The following GLS2 variants were observed in gnomAD, a reference collection of about 807,000 sequenced individuals.
GLS2 encodes glutaminase liver isoform, mitochondrial.
GLS2 carries 52 observed loss-of-function variants against 79.0 expected under a neutral mutation model. The observed-to-expected ratio is 0.66, with a 90% CI of 0.53 to 0.83. The LOEUF (loss-of-function observed/expected upper bound fraction) is 0.83. GLS2 is among the 40% of genes least tolerant of loss of function. The pLI is 0.00. For missense variants in GLS2, 561 were observed against 764.8 expected, an observed-to-expected ratio of 0.73 and a Z score of 3.14; for synonymous variants, 238 against 280.8, an observed-to-expected ratio of 0.85 and a Z score of 1.52.
At chr12:56,476,457 T>G (rs898869523) in intron 7 of GLS2, 3 of 174,316 alleles carry the variant, frequency 1.7e-5, no homozygotes, top group African/African-American at 7.2e-5. Flanking sequence ...ATGCTGGAGC[T>G]TTACTCCATC....
At chr12:56,484,703 G>A (rs1870550800) in intron 1 of GLS2, among the ~76,000 whole-genome samples, 1 of 152,150 alleles carries the variant, frequency 6.6e-6, no homozygotes, top group African/African-American at 2.4e-5. Flanking sequence ...TGTATCACAA[G>A]CCTAAAAAAA....
chr12:56,473,277 C>G lies in GLS2; in HGVS notation c.1400G>C (p.Arg467Thr). 1 of 1,614,096 alleles carries G rather than the reference C, an allele frequency of 6.2e-7. No homozygotes were observed. Among genetic ancestry groups the G allele is most frequent in the Non-Finnish European group, 8.5e-7 (1 of 1,180,042 alleles). Residue 467 changes from arginine to threonine, a missense_variant, in exon 14 of 18, where the codon AGG becomes ACG. Arg to Thr is a moderately conservative substitution (Grantham distance 71). Coordinates refer to ENST00000311966, the MANE Select transcript of GLS2 (RefSeq NM_013267.4). ...LFNFHNYDNL[R>T]HCARKLDPRR... ...TGGGTCTAACTTCCGAGCACAGTGC[C>G]TCAGGTTGTCATAGTTGTGGAAATT...
At position 56,473,168 on chromosome 12, in the gene GLS2, C is replaced by A. The variant is rs1033431557; in HGVS notation, c.1449+60G>T. The A allele has an allele frequency of 2.7e-5, 41 of 1,492,600 alleles. 1 individual carries two copies. The African/African-American group carries it at 5.4e-4, about 20-fold the overall frequency. 92.5% of individuals were successfully genotyped at this position (1,492,600 alleles called of 1,614,324 possible). ...CCTCTCAAAGTGCAGGGATTACAGGCGTGAGCCACCGCACCTGGCCTTTGA... is the reference window on the plus strand; with the variant it reads ...CCTCTCAAAGTGCAGGGATTACAGGAGTGAGCCACCGCACCTGGCCTTTGA... On this transcript the variant is annotated intron_variant, in intron 14 of 17. Coordinates refer to ENST00000311966, the MANE Select transcript of GLS2 (RefSeq NM_013267.4).
intron 16 of GLS2, 47 bp from the exon 17 acceptor site, chr12:56,471,883 C>A (rs953259692): frequency 6.3e-7 from 1 of 1,588,440 alleles, no homozygotes; most frequent in African/African-American, 1.3e-5. Flanking sequence ...GGTCTTGAAC[C>A]CTTTGGTGCA....
intron 2 of GLS2, among the ~76,000 whole-genome samples, 162 bp downstream of exon 2, chr12:56,480,126 T>C (rs1870166400): frequency 1.3e-5 from 2 of 152,216 alleles, no homozygotes; most frequent in Admixed American, 1.3e-4. Flanking sequence ...GGGGCAGGGA[T>C]GGGCTTGTCT....
intron 16 of GLS2, 93 bp from the exon 17 acceptor site, chr12:56,471,929 G>T: frequency 7.2e-7 from 1 of 1,390,548 alleles, no homozygotes; most frequent in Non-Finnish European, 1.0e-6. Flanking sequence ...CAAGAGGGGA[G>T]GGGAAAAGGC....
chr12:56,475,054 T>C lies in GLS2; in HGVS notation c.986A>G (p.Lys329Arg). The C allele has an allele frequency of 6.2e-7, 1 of 1,614,176 alleles. No individual in the cohort carries two copies. The highest frequency in any genetic ancestry group is 1.3e-5 in the African/African-American group (1 of 75,034). The change falls in exon 10 of 18, where the codon AAG (lysine) becomes AGG (arginine). Residue 329 changes from lysine to arginine, a missense_variant. This residue lies in a region of GLS2 where 221 missense variants were observed against 275.6 expected (regional missense o/e 0.80). Coordinates refer to ENST00000311966, the MANE Select transcript of GLS2 (RefSeq NM_013267.4). Reference sequence around the variant, plus strand: ...GCCTCTTCTGGTTACCTTCTTTTCCTTGAGATAATAGCCGATGGCATAATT... The same window carrying C: ...GCCTCTTCTGGTTACCTTCTTTTCCCTGAGATAATAGCCGATGGCATAATT... ...DRNYAIGYYL[K>R]EKKCFPKGVD...
chr12:56,481,088 CT>C (rs1870246690), intron 1 of GLS2, among the ~76,000 whole-genome samples: 1 of 150,890 alleles, frequency 6.6e-6, no homozygotes, highest in Non-Finnish European at 1.5e-5. Flanking sequence ...TCCTTATTCC[CT>C]ATTACCTAAT....
intron 7 of GLS2, 77 bp from the exon 8 acceptor site, chr12:56,476,054 A>G (rs1869781839): frequency 2.1e-6 from 3 of 1,411,646 alleles, no homozygotes; most frequent in Non-Finnish European, 3.0e-6. Context: ...GATCTAGTGG[A>G]GTTCTAGTGT....
intron 12 of GLS2, chr12:56,474,092 C>CTTTTT (rs67377312): frequency 3.0e-5 from 3 of 98,932 alleles, no homozygotes; most frequent in Non-Finnish European, 4.4e-5. Context: ...TTTTCTTTTT[C>CTTTTT]TTTTTTTCTT....
chr12:56,476,944 G>A (rs1379875229), intron 7 of GLS2: 4 of 152,182 alleles, frequency 2.6e-5, no homozygotes, highest in African/African-American at 9.7e-5. Flanking sequence ...GATGAGGCAG[G>A]TCCCAGATAC....
At chr12:56,486,556 A>G (rs968894985) in intron 1 of GLS2, among the ~76,000 whole-genome samples, 3 of 152,092 alleles carry the variant, frequency 2.0e-5, no homozygotes, top group Non-Finnish European at 1.5e-5. Flanking sequence ...AAAAAGAGAA[A>G]AGGGCCGGGC....
chr12:56,475,484 T>G, intron 9 of GLS2, 140 bp downstream of exon 9: 3 of 827,206 alleles, frequency 3.6e-6, no homozygotes, highest in Non-Finnish European at 5.8e-6. Context: ...ATGAAGGGAC[T>G]CAGAGGAAGC....
intron 10 of GLS2, 54 bp downstream of exon 10, chr12:56,474,990 T>C: frequency 6.2e-7 from 1 of 1,613,928 alleles, no homozygotes; most frequent in Non-Finnish European, 8.5e-7. Context: ...CCTACTGCCC[T>C]TCCACTAGCA....
chr12:56,481,105 C>G (rs941144019), intron 1 of GLS2, among the ~76,000 whole-genome samples: 1 of 151,422 alleles, frequency 6.6e-6, no homozygotes, highest in African/African-American at 2.4e-5. Context: ...CTAATTGCCA[C>G]TACACTCTCT....
intron 1 of GLS2, chr12:56,487,451 T>C (rs1014887087): frequency 1.2e-5 from 2 of 173,750 alleles, no homozygotes; most frequent in African/African-American, 4.8e-5. Context: ...CCAACACTTA[T>C]GGACGTACCT....
intron 7 of GLS2, chr12:56,476,310 A>G (rs542102708): frequency 7.9e-5 from 24 of 305,312 alleles, no homozygotes; most frequent in African/African-American, 5.1e-4. Context: ...TACAGGCATG[A>G]GCCAGCTTGC....
chr12:56,471,694 T>C (rs1592271162), intron 17 of GLS2, 51 bp from the exon 18 acceptor site: 2 of 1,611,604 alleles, frequency 1.2e-6, no homozygotes, highest in African/African-American at 2.7e-5. Flanking sequence ...AGAGTGGTGG[T>C]TGTATATATT....
At chr12:56,478,439 A>G (rs1042847570) in intron 4 of GLS2, 177 bp from the exon 5 acceptor site, 2 of 626,892 alleles carry the variant, frequency 3.2e-6, no homozygotes, top group South Asian at 1.9e-5. Context: ...CTAGAAGGCC[A>G]TATCTTTGTG....
Sources: allele counts gnomAD v4.1 joint callset (sites outside exome capture counted in the v4.1 genomes callset), GRCh38; gene constraint gnomAD v4.1.1; regional missense constraint gnomAD v4.1.1; transcripts MANE v1.5; gene names NCBI Gene and HGNC (gene_info 2026-07-23, HGNC 2026-07-21).